SLC24A4: variants seen among roughly 807,000 people sequenced by gnomAD.
SLC24A4 encodes the protein solute carrier family 24 member 4, also known as sodium/potassium/calcium exchanger 4.
Under a neutral mutation model 79.0 loss-of-function variants are expected in SLC24A4, and 53 were observed. That is an observed-to-expected ratio of 0.67 (90% CI 0.54 to 0.84). SLC24A4 has a LOEUF of 0.84. SLC24A4 is among the 40% of genes least tolerant of loss of function. The pLI, the probability that SLC24A4 is intolerant of heterozygous loss-of-function variation, is 0.00. For synonymous variants in SLC24A4, 323 were observed against 323.8 expected (o/e 1.00, Z 0.03); for missense variants, 731 against 822.0 (o/e 0.89, Z 1.35).
chr14:92,360,331 G>A (rs1322576941), intron 2 of SLC24A4, among the ~76,000 whole-genome samples: 1 of 152,110 alleles, frequency 6.6e-6, no homozygotes, highest in Admixed American at 6.5e-5. Context: ...CAACTCCTAG[G>A]CTCAAGCAAT....
intron 2 of SLC24A4, among the ~76,000 whole-genome samples, chr14:92,366,508 A>T (rs1322697646): frequency 2.0e-5 from 3 of 152,134 alleles, no homozygotes; most frequent in African/African-American, 7.2e-5. Context: ...AAGAGAAGAT[A>T]TTGATTGGTG....
At chr14:92,385,803 CTCCTTCCACGA>C (rs1245541613) in intron 2 of SLC24A4, among the ~76,000 whole-genome samples, 1 of 152,228 alleles carries the variant, frequency 6.6e-6, no homozygotes, top group Non-Finnish European at 1.5e-5. Flanking sequence ...ACAGCATCTG[CTCCTTCCACGA>C]TCCTTCCTCC....
At chr14:92,429,343 G>A (rs1019786587) in intron 2 of SLC24A4, among the ~76,000 whole-genome samples, 1 of 151,928 alleles carries the variant, frequency 6.6e-6, no homozygotes, top group South Asian at 2.1e-4. Flanking sequence ...TTCAAACCAC[G>A]AAGAATGAGT....
intron 14 of SLC24A4, among the ~76,000 whole-genome samples, chr14:92,489,216 T>A (rs1895539790): frequency 6.6e-6 from 1 of 151,866 alleles, no homozygotes; most frequent in Admixed American, 6.6e-5. Context: ...GGTGGGCGGA[T>A]CACCTGAGGT....
At chr14:92,486,498 G>T (rs1895364779) in intron 13 of SLC24A4, among the ~76,000 whole-genome samples, 168 bp from the exon 14 acceptor site, 1 of 152,180 alleles carries the variant, frequency 6.6e-6, no homozygotes. Context: ...TAGCCTCGTA[G>T]TTCAGTGGGG....
At chr14:92,332,715 C>G (rs1300080714) in intron 2 of SLC24A4, among the ~76,000 whole-genome samples, 1 of 152,204 alleles carries the variant, frequency 6.6e-6, no homozygotes, top group Non-Finnish European at 1.5e-5. Flanking sequence ...GCACTTAAAA[C>G]AGTGTTTGGC....
At position 92,400,308 on chromosome 14, in the gene SLC24A4, A is replaced by G. The variant is rs570935015; in HGVS notation, c.242-33604A>G. 9.9e-4 allele frequency among the ~76,000 whole-genome samples: 151 copies of G among 152,100 alleles called. No individual in the cohort carries two copies. In the East Asian group the frequency reaches 0.022, roughly 22 times the overall value. ...ACAAAAACTAGCTGGGCATGGTGGC[A>G]TGCGCCTGTAGTCCCAGCTACTCGG... On this transcript the variant is annotated intron_variant, in intron 2 of 16. Transcript: ENST00000532405.
chr14:92,484,370 C>T (rs150852877), intron 13 of SLC24A4: 8 of 985,288 alleles, frequency 8.1e-6, no homozygotes, highest in Non-Finnish European at 9.6e-6. Context: ...GCAGAGCCTC[C>T]CCAAGACACC....
chr14:92,412,898 G>A (rs2141797233), intron 2 of SLC24A4, among the ~76,000 whole-genome samples: 1 of 152,290 alleles, frequency 6.6e-6, no homozygotes, highest in Non-Finnish European at 1.5e-5. Flanking sequence ...GTTTTTCAAT[G>A]ATTGGACAAA....
chr14:92,458,753 C>G, intron 12 of SLC24A4, among the ~76,000 whole-genome samples: 1 of 152,204 alleles, frequency 6.6e-6, no homozygotes, highest in Non-Finnish European at 1.5e-5. Flanking sequence ...TATCGCACCC[C>G]CAGCTCACTT....
At position 92,323,798 on chromosome 14, in the gene SLC24A4, CCT is replaced by C. The variant is rs1566683537; in HGVS notation, c.-29_-28del. 1.3e-6 allele frequency: 2 copies of C among 1,540,732 alleles called. No homozygotes were observed. Among genetic ancestry groups the C allele is most frequent in the Non-Finnish European group, 8.7e-7 (1 of 1,149,690 alleles). ...CACTCTGGCCGCTGAAGCTCCCCATCCTCTCCCAGAGACGGCACCCAGGCGCT... is the reference window on the plus strand; with the variant it reads ...CACTCTGGCCGCTGAAGCTCCCCATCCTCCCAGAGACGGCACCCAGGCGCT... On this transcript the variant is annotated 5_prime_UTR_variant, in exon 1 of 17. Coordinates refer to ENST00000532405, the MANE Select transcript of SLC24A4 (RefSeq NM_153646.4). This position sits in a 1 kb window ranked among gnomAD's most constrained non-coding sequence, Gnocchi z 4.9.
chr14:92,442,603 GCT>G, intron 5 of SLC24A4, 108 bp from the exon 6 acceptor site: 1 of 728,180 alleles, frequency 1.4e-6, no homozygotes, highest in South Asian at 1.7e-5. Flanking sequence ...CTTCACGGGT[GCT>G]CTGTTTGTTA....
rs1299066310 is a variant in SLC24A4 at position 92,501,113 on chromosome 14, A to C, written c.*7485A>C. The C allele has an allele frequency of 6.6e-6, 1 of 152,256 alleles. No homozygotes were observed. The highest frequency in any genetic ancestry group is 1.5e-5 in the Non-Finnish European group (1 of 68,050). 9.4% of individuals were successfully genotyped at this position (152,256 alleles called of 1,614,324 possible). On this transcript the variant is annotated 3_prime_UTR_variant, in exon 17 of 17. Transcript: ENST00000532405. ...TTCACACATTGTTCAAGTCACCCCA[A>C]GATCGTTCTGGCACGCTGAGCTGAA... is the stretch of plus-strand genomic sequence containing the variant.
At chr14:92,428,077 G>A (rs1891666563) in intron 2 of SLC24A4, among the ~76,000 whole-genome samples, 1 of 152,224 alleles carries the variant, frequency 6.6e-6, no homozygotes, top group Admixed American at 6.5e-5. Context: ...TTGTTTTTAA[G>A]CTACCCCAGT....
chr14:92,340,740 G>A (rs755370982), intron 2 of SLC24A4, among the ~76,000 whole-genome samples: 6 of 152,100 alleles, frequency 3.9e-5, no homozygotes, highest in Admixed American at 1.3e-4. Flanking sequence ...ACAACCGAGA[G>A]GGGGCACGGA....
rs571284591 is a variant in SLC24A4 at position 92,347,407 on chromosome 14, G to A, written c.241+21429G>A. ...AAGATTCAAGGCAAAATAACAGTGA[G>A]GAAGGGATGATGCATTTTATTAGGT... On this transcript the variant is annotated intron_variant, in intron 2 of 16. Coordinates refer to ENST00000532405, the MANE Select transcript of SLC24A4 (RefSeq NM_153646.4). Among the ~76,000 whole-genome samples the A allele has an allele frequency of 2.1e-4, 32 of 152,328 alleles. No homozygotes were observed. The South Asian group carries it at 6.2e-3, about 30-fold the overall frequency.
rs765106313 is a variant in SLC24A4, at chr14:92,486,698, G to A, written c.1455G>A (p.Pro485=). The A allele has an allele frequency of 6.8e-6, 11 of 1,613,912 alleles. No individual in the cohort carries two copies. The highest frequency in any genetic ancestry group is 3.3e-5 in the Admixed American group (2 of 60,000). ...TTATCGGATACACACTTGGGATCCC[G>A]GATGTCATCATGGGCATTACTTTCC... The part of the protein sequence containing the change: ...VTIIGYTLGI[P]DVIMGITFLA... The change falls in exon 14 of 17, where the codon CCG becomes CCA. Residue 485 remains proline, a synonymous_variant. Coordinates refer to ENST00000532405, the MANE Select transcript of SLC24A4 (RefSeq NM_153646.4).
At chr14:92,492,925 G>A (rs1333155684) in intron 16 of SLC24A4, 2 of 450,634 alleles carry the variant, frequency 4.4e-6, no homozygotes, top group South Asian at 1.6e-5. Flanking sequence ...AGGGAGGAAT[G>A]TAAGATAATT....
rs1896002554 is a variant in SLC24A4 at position 92,498,307 on chromosome 14, G to C, written c.*4679G>C. The C allele has an allele frequency of 6.6e-6, 1 of 152,194 alleles. No individual in the cohort carries two copies. The highest frequency in any genetic ancestry group is 6.5e-5 in the Admixed American group (1 of 15,282). The allele number at this position is 152,194 out of a possible 1,614,324, so 9.4% of individuals were successfully genotyped here. ...GTCCTTTGGGAAAATCTTCCCCACT[G>C]TGTCAGTTATATGGGAACAAGAGTG... On this transcript the variant is annotated 3_prime_UTR_variant, in exon 17 of 17. Transcript: ENST00000532405.
Sources: gnomAD v4.1 joint callset for allele counts (sites outside exome capture counted in the v4.1 genomes callset) on GRCh38, gnomAD v4.1.1 for gene constraint, Gnocchi (gnomAD v3.1) non-coding constraint, MANE v1.5 for transcripts, NCBI Gene and HGNC (gene_info 2026-07-23, HGNC 2026-07-21) for gene names.